CYP2F1: variants seen among roughly 807,000 people sequenced by gnomAD.
CYP2F1 encodes the protein cytochrome P450 family 2 subfamily F member 1, also known as cytochrome P450 2F1.
CYP2F1 carries 33 observed loss-of-function variants against 40.4 expected under a neutral mutation model. That is an observed-to-expected ratio of 0.82 (90% CI 0.62 to 1.09). The LOEUF (loss-of-function observed/expected upper bound fraction) is 1.09, where lower values mean the gene tolerates loss of function less well. CYP2F1 is among the 50% of genes least tolerant of loss of function. The probability of loss-of-function intolerance (pLI) is 0.00; values close to 1 mark genes in which losing one functional copy is unlikely to be tolerated. For missense variants in CYP2F1, 566 were observed against 655.7 expected, an observed-to-expected ratio of 0.86 and a Z score of 1.49; for synonymous variants, 235 against 277.2, an observed-to-expected ratio of 0.85 and a Z score of 1.51.
In CYP2F1 at chr19:41,124,906, G is replaced by C. The variant is rs368705802; in HGVS notation, c.1152G>C (p.Lys384Asn). 1.1e-5 allele frequency: 17 copies of C among 1,600,954 alleles called. No homozygotes were observed. Among genetic ancestry groups the C allele is most frequent in the Non-Finnish European group, 1.4e-5 (17 of 1,175,580 alleles). Residue 384 changes from lysine (K) to asparagine (N), a missense_variant and splice_region_variant, in exon 8 of 10, where the codon AAG (lysine) becomes AAC (asparagine). Lys to Asn is a moderately conservative substitution (Grantham distance 94, BLOSUM62 0). This residue lies in a region of CYP2F1 where 27 missense variants were observed against 68.4 expected (regional missense o/e 0.39). Coordinates refer to ENST00000331105, the MANE Select transcript of CYP2F1 (RefSeq NM_000774.5). ...CCTTTCGCGGCTTCCTGATACCCAA[G>C]GTGCGCTAGGCCTGGCAAACGACAT... ...DTAFRGFLIP[K>N]GTDVITLLNT...
chr19:41,117,173 C>T (rs1036805674), intron 3 of CYP2F1, among the ~76,000 whole-genome samples: 34 of 151,958 alleles, frequency 2.2e-4, no homozygotes, highest in Non-Finnish European at 4.9e-4. Flanking sequence ...CTCTGTCACC[C>T]AGGCCGGAGT....
intron 9 of CYP2F1, among the ~76,000 whole-genome samples, chr19:41,127,699 A>G (rs372345706): frequency 2.6e-5 from 4 of 152,160 alleles, no homozygotes; most frequent in South Asian, 4.1e-4. Context: ...TAGTAGTGAC[A>G]GGGCCAGGAT....
At chr19:41,121,723 C>A in intron 5 of CYP2F1, 105 bp downstream of exon 5, 2 of 1,087,766 alleles carry the variant, frequency 1.8e-6, no homozygotes, top group Non-Finnish European at 2.6e-6. Context: ...CCGCCCAGGG[C>A]CCGCCCCCTC....
intron 6 of CYP2F1, 35 bp downstream of exon 6, chr19:41,122,168 A>T: frequency 6.6e-7 from 1 of 1,526,080 alleles, no homozygotes; most frequent in Non-Finnish European, 9.0e-7. Context: ...CTCTAGTCTG[A>T]CCTGAAATTC....
chr19:41,116,379 G>T lies in CYP2F1; in HGVS notation c.171+20G>T, dbSNP rs373894342. On this transcript the variant is annotated intron_variant, in intron 2 of 9. Coordinates refer to ENST00000331105, the MANE Select transcript of CYP2F1 (RefSeq NM_000774.5). Reference sequence around the variant, plus strand: ...ACTAAGGTGCAAGGCCCTTAGCTTGGGTGATGGTGGAAGGATAAGGAGGAG... The same window carrying T: ...ACTAAGGTGCAAGGCCCTTAGCTTGTGTGATGGTGGAAGGATAAGGAGGAG... 1.1e-5 allele frequency: 18 copies of T among 1,612,430 alleles called. No homozygotes were observed. The African/African-American group carries it at 2.3e-4, about 20-fold the overall frequency.
chr19:41,124,254 C>CG (rs1271849007), intron 7 of CYP2F1, among the ~76,000 whole-genome samples: 2 of 72,500 alleles, frequency 2.8e-5, no homozygotes, highest in East Asian at 4.0e-4. Context: ...TTCCCCCCCC[C>CG]CTTTTTTTTT....
intron 1 of CYP2F1, among the ~76,000 whole-genome samples, chr19:41,115,456 T>C (rs905229286): frequency 2.0e-5 from 3 of 152,204 alleles, no homozygotes; most frequent in Admixed American, 1.3e-4. Context: ...CCTATCTCTG[T>C]GTTTGTCTGT....
intron 1 of CYP2F1, among the ~76,000 whole-genome samples, chr19:41,114,954 G>A (rs528227479): frequency 2.0e-5 from 3 of 152,034 alleles, no homozygotes; most frequent in East Asian, 3.9e-4. Context: ...GTTTTTAGTA[G>A]AGACAGGGTT....
chr19:41,121,655 G>A (rs1418147298), intron 5 of CYP2F1, 37 bp downstream of exon 5: 12 of 1,570,242 alleles, frequency 7.6e-6, no homozygotes, highest in South Asian at 1.1e-5. Flanking sequence ...AGGGTGTGGG[G>A]TCCGCAGGAT....
intron 4 of CYP2F1, 103 bp downstream of exon 4, chr19:41,120,599 A>C: frequency 1.4e-5 from 18 of 1,267,942 alleles, no homozygotes; most frequent in Admixed American, 2.0e-5. Context: ...CTCCCACCTC[A>C]ACCTCCCGAA....
chr19:41,119,723 C>CTCTCTA (rs1478574507), intron 3 of CYP2F1, among the ~76,000 whole-genome samples: 43 of 35,766 alleles, frequency 1.2e-3, no homozygotes, highest in South Asian at 1.4e-3. Context: ...CTCTCTCTCT[C>CTCTCTA]TATATATATA....
rs147569799 is a variant in CYP2F1 at position 41,114,670 on chromosome 19, A to G, written c.-12+178A>G. On this transcript the variant is annotated intron_variant, in intron 1 of 9. Transcript: ENST00000331105. Reference sequence around the variant, plus strand: ...TTTCTTTACTGGTGCTTCACCAAGTAGGTGGCTTCTCTCTCTGCAATGCAA... The same window carrying G: ...TTTCTTTACTGGTGCTTCACCAAGTGGGTGGCTTCTCTCTCTGCAATGCAA... Among the ~76,000 whole-genome samples, 160 of 151,798 alleles carry G rather than the reference A, an allele frequency of 1.1e-3. 2 individuals are homozygous for G. In the East Asian group the frequency reaches 0.015, roughly 14 times the overall value.
At chr19:41,124,257 T>TCCCCC (rs1568381454) in intron 7 of CYP2F1, among the ~76,000 whole-genome samples, 2 of 20,760 alleles carry the variant, frequency 9.6e-5, no homozygotes, top group African/African-American at 3.3e-4. Context: ...CCCCCCCCCT[T>TCCCCC]TTTTTTTTTT....
At chr19:41,125,034 C>G (rs552405652) in intron 8 of CYP2F1, 128 bp downstream of exon 8, 1 of 777,240 alleles carries the variant, frequency 1.3e-6, no homozygotes, top group African/African-American at 1.8e-5. Context: ...ATCCCAAGCC[C>G]TAGCTACAGA....
chr19:41,120,245 A>G (rs1340910228), intron 3 of CYP2F1, 102 bp from the exon 4 acceptor site: 1 of 1,237,658 alleles, frequency 8.1e-7, no homozygotes, highest in Non-Finnish European at 1.1e-6. Context: ...GGGAGATTCC[A>G]AACTCTGTCT....
chr19:41,117,646 C>T (rs916299683), intron 3 of CYP2F1, among the ~76,000 whole-genome samples: 3 of 152,056 alleles, frequency 2.0e-5, no homozygotes, highest in African/African-American at 7.2e-5. Context: ...ACATCACCAG[C>T]TTCAAATACA....
chr19:41,122,186 G>T lies in CYP2F1; in HGVS notation c.822+53G>T, dbSNP rs1461344488. On this transcript the variant is annotated intron_variant, in intron 6 of 9. Transcript: ENST00000331105. ...TAGTCTGACCTGAAATTCTCCTGCTGCCCCTGCCTCAAACCCACAGGGACC... is the reference window on the plus strand; with the variant it reads ...TAGTCTGACCTGAAATTCTCCTGCTTCCCCTGCCTCAAACCCACAGGGACC... 6.2e-5 allele frequency: 91 copies of T among 1,476,818 alleles called. 1 individual carries two copies. The Middle Eastern group carries it at 8.7e-4, about 14-fold the overall frequency. 91.5% of individuals were successfully genotyped at this position (1,476,818 alleles called of 1,614,324 possible). A position where few individuals can be genotyped will look rare whatever the true frequency, so the allele number is the denominator to read the frequency against.
chr19:41,114,811 T>TTG (rs2031695115), intron 1 of CYP2F1, among the ~76,000 whole-genome samples: 11 of 143,490 alleles, frequency 7.7e-5, no homozygotes, highest in South Asian at 2.2e-4. Flanking sequence ...TTTTTTTTTT[T>TTG]GAGGCTGGAG....
chr19:41,123,160 CG>C, intron 7 of CYP2F1, 197 bp downstream of exon 7: 1 of 705,214 alleles, frequency 1.4e-6, no homozygotes. Context: ...GCCCGAATCC[CG>C]ACCCAGATCC....
Sources: gnomAD v4.1 joint callset for allele counts (sites outside exome capture counted in the v4.1 genomes callset) on GRCh38, gnomAD v4.1.1 for gene constraint, gnomAD v4.1.1 regional missense constraint, MANE v1.5 for transcripts, NCBI Gene and HGNC (gene_info 2026-07-23, HGNC 2026-07-21) for gene names.